STAG1: variants seen among roughly 807,000 people sequenced by gnomAD.
The protein encoded by STAG1 is cohesin subunit SA-1.
STAG1 carries 26 observed loss-of-function variants against 170.9 expected under a neutral mutation model. The observed-to-expected ratio is 0.15, with a 90% CI of 0.11 to 0.21. The LOEUF (loss-of-function observed/expected upper bound fraction) is 0.21, where lower values mean the gene tolerates loss of function less well. Ranked by LOEUF, STAG1 falls within the 10% of genes least tolerant of loss-of-function variation. The pLI is 1.00. For synonymous variants in STAG1, 514 were observed against 497.7 expected, an observed-to-expected ratio of 1.03 and a Z score of -0.44; for missense variants, 964 against 1,509.5, an observed-to-expected ratio of 0.64 and a Z score of 5.99.
Position 136,338,183 on chromosome 3 carries a change from C to G in STAG1, c.*71G>C. 2 of 1,026,630 alleles carry G rather than the reference C, an allele frequency of 1.9e-6. No homozygotes were observed. Among genetic ancestry groups the G allele is most frequent in the Non-Finnish European group, 3.0e-6 (2 of 670,438 alleles). The allele number at this position is 1,026,630 out of a possible 1,614,324, so 63.6% of individuals were successfully genotyped here. ...CACATCAAAAGTGTTTTTCCCCATA[C>G]AAGCTATCACAGTATATAGGCCTCT... On this transcript the variant is annotated 3_prime_UTR_variant, in exon 34 of 34. Transcript: ENST00000383202.
At chr3:136,586,059 T>C (rs1051620808) in intron 4 of STAG1, among the ~76,000 whole-genome samples, 2 of 152,200 alleles carry the variant, frequency 1.3e-5, no homozygotes, top group East Asian at 1.9e-4. Context: ...GCAGGATAAT[T>C]TGGCTAGAAG....
At chr3:136,516,104 G>A (rs766359391) in intron 7 of STAG1, among the ~76,000 whole-genome samples, 3 of 152,012 alleles carry the variant, frequency 2.0e-5, no homozygotes, top group Non-Finnish European at 4.4e-5. Flanking sequence ...ATACCAGATT[G>A]CTCTAAAATT....
chr3:136,725,342 A>T (rs1354425141), intron 1 of STAG1, among the ~76,000 whole-genome samples: 1 of 152,168 alleles, frequency 6.6e-6, no homozygotes, highest in Admixed American at 6.5e-5. Context: ...CTATTTCTAA[A>T]ATCTGACTAG....
intron 4 of STAG1, among the ~76,000 whole-genome samples, chr3:136,600,256 C>T (rs1938605583): frequency 1.3e-5 from 2 of 152,220 alleles, no homozygotes; most frequent in South Asian, 2.1e-4. Context: ...TTACCCTAAA[C>T]ATAAGCCTAT....
At chr3:136,488,269 C>T (rs556381853) in intron 9 of STAG1, among the ~76,000 whole-genome samples, 4 of 152,146 alleles carry the variant, frequency 2.6e-5, no homozygotes, top group South Asian at 2.1e-4. Flanking sequence ...ACTATAGGCA[C>T]GTGCCACTGC....
intron 11 of STAG1, among the ~76,000 whole-genome samples, chr3:136,473,328 G>C (rs1358411978): frequency 7.2e-4 from 110 of 152,092 alleles, no homozygotes; most frequent in Non-Finnish European, 3.4e-4. Context: ...TAATGCACTT[G>C]AATCATCCCG....
rs79953132 is a variant in STAG1 at position 136,565,702 on chromosome 3, C to T, written c.394+3063G>A. 6.4e-3 allele frequency among the ~76,000 whole-genome samples: 978 copies of T among 152,286 alleles called. 12 individuals are homozygous for T. The highest frequency in any genetic ancestry group is 0.022 in the African/African-American group (929 of 41,556). ...AATTTACACCTCAAAGACTCAAAAA[C>T]GGCACTCAAACAAGTATTTGTTCAC... On this transcript the variant is annotated intron_variant, in intron 5 of 33. Transcript: ENST00000383202.
At chr3:136,391,385 T>C (rs2087006838) in intron 22 of STAG1, among the ~76,000 whole-genome samples, 1 of 150,112 alleles carries the variant, frequency 6.7e-6, no homozygotes, top group African/African-American at 2.4e-5. Flanking sequence ...TTTTTTTTTT[T>C]TTCTTTTTTT....
At chr3:136,412,119 T>TA (rs1229771559) in intron 21 of STAG1, among the ~76,000 whole-genome samples, 5 of 151,756 alleles carry the variant, frequency 3.3e-5, no homozygotes, top group African/African-American at 4.8e-5. Context: ...AGAACCAAAA[T>TA]AAAAAAAGAG....
chr3:136,652,336 T>C (rs1941246385), intron 1 of STAG1, among the ~76,000 whole-genome samples: 1 of 152,208 alleles, frequency 6.6e-6, no homozygotes, highest in Non-Finnish European at 1.5e-5. Context: ...CTGATTTAAA[T>C]TGCATTTTTT....
At chr3:136,385,538 A>G (rs1245908065) in intron 22 of STAG1, among the ~76,000 whole-genome samples, 1 of 152,214 alleles carries the variant, frequency 6.6e-6, no homozygotes, top group Non-Finnish European at 1.5e-5. Flanking sequence ...TATCTTGGTT[A>G]TATTTTGTAT....
chr3:136,701,928 ACTG>A (rs1943073945), intron 1 of STAG1, among the ~76,000 whole-genome samples: 1 of 151,970 alleles, frequency 6.6e-6, no homozygotes, highest in African/African-American at 2.4e-5. Context: ...TTAGATTTTA[ACTG>A]CTAAGTCAAA....
intron 20 of STAG1, among the ~76,000 whole-genome samples, chr3:136,419,409 T>C (rs1228930024): frequency 1.3e-5 from 2 of 152,086 alleles, no homozygotes; most frequent in African/African-American, 4.8e-5. Context: ...ACAATGCAAG[T>C]GAAAATTACA....
chr3:136,361,735 C>T (rs1425313998), intron 26 of STAG1, among the ~76,000 whole-genome samples: 6 of 152,040 alleles, frequency 3.9e-5, no homozygotes, highest in Admixed American at 3.3e-4. Flanking sequence ...TTTACCCTCC[C>T]GAGTAGCTGG....
At chr3:136,676,686 C>A (rs888992390) in intron 1 of STAG1, among the ~76,000 whole-genome samples, 1 of 152,050 alleles carries the variant, frequency 6.6e-6, no homozygotes, top group African/African-American at 2.4e-5. Context: ...CTGGCCTCAA[C>A]TGATTTTCCG....
chr3:136,436,850 T>C (rs2088476757), intron 15 of STAG1, among the ~76,000 whole-genome samples: 1 of 152,228 alleles, frequency 6.6e-6, no homozygotes, highest in South Asian at 2.1e-4. Flanking sequence ...TGTATGTACA[T>C]CTTAATTCAG....
chr3:136,579,565 C>T (rs1576628544), intron 4 of STAG1, among the ~76,000 whole-genome samples: 1 of 152,220 alleles, frequency 6.6e-6, no homozygotes, highest in African/African-American at 2.4e-5. Flanking sequence ...TAGAGACAAA[C>T]CTCAGGGCCA....
intron 1 of STAG1, among the ~76,000 whole-genome samples, chr3:136,714,938 A>AATATATATAT (rs71714671): frequency 1.8e-3 from 172 of 95,696 alleles, no homozygotes; most frequent in African/African-American, 6.3e-3. Context: ...ATATATATTA[A>AATATATATAT]ATATATATAT....
intron 1 of STAG1, among the ~76,000 whole-genome samples, chr3:136,690,162 G>A (rs1275083864): frequency 6.6e-6 from 1 of 151,832 alleles, no homozygotes; most frequent in East Asian, 1.9e-4. Context: ...CACAGCTGGT[G>A]GCTGAATGAC....
Sources: allele counts gnomAD v4.1 joint callset (sites outside exome capture counted in the v4.1 genomes callset), GRCh38; gene constraint gnomAD v4.1.1; transcripts MANE v1.5; gene names NCBI Gene and HGNC (gene_info 2026-07-23, HGNC 2026-07-21).